The following LRRC49 variants were observed in gnomAD, a reference collection of about 807,000 sequenced individuals.
The protein encoded by LRRC49 is leucine-rich repeat-containing protein 49.
In LRRC49, 50 loss-of-function variants were observed where a neutral mutation model predicts 83.3. The observed-to-expected ratio is 0.60, with a 90% confidence interval of 0.48 to 0.76. LRRC49 has a LOEUF of 0.76. Among genes scored for constraint, LRRC49 ranks in the 30% least tolerant of loss-of-function variants. LRRC49 has a pLI of 0.00. For synonymous variants in LRRC49, 286 were observed against 283.3 expected, an observed-to-expected ratio of 1.01 and a Z score of -0.10; for missense variants, 704 against 809.1, an observed-to-expected ratio of 0.87 and a Z score of 1.58.
intron 14 of LRRC49, among the ~76,000 whole-genome samples, chr15:71,016,638 A>G (rs1336172789): frequency 6.6e-6 from 1 of 152,090 alleles, no homozygotes; most frequent in African/African-American, 2.4e-5. Context: ...TAATTGGAAT[A>G]TATAACAATG....
intron 9 of LRRC49, among the ~76,000 whole-genome samples, chr15:70,974,160 G>A (rs1384169225): frequency 2.0e-5 from 3 of 152,012 alleles, no homozygotes; most frequent in Non-Finnish European, 2.9e-5. Context: ...ATAAAAAGAT[G>A]GTTTGTGAGT....
In LRRC49 at chr15:71,012,856, A is replaced by G; in HGVS notation, c.1646A>G (p.His549Arg). 1 of 1,613,378 alleles carries G rather than the reference A, an allele frequency of 6.2e-7. No homozygotes were observed. Among genetic ancestry groups the G allele is most frequent in the South Asian group, 1.1e-5 (1 of 91,048 alleles). Reference sequence around the variant, plus strand: ...GAAAGGCTCTTTGGAATCCTAGCACATGTAGCATCTTCTGAGTTACCCCAG... The same window carrying G: ...GAAAGGCTCTTTGGAATCCTAGCACGTGTAGCATCTTCTGAGTTACCCCAG... ...MAERLFGILA[H>R]VASSELPQYR... The change falls in exon 14 of 16, where the codon CAT (histidine) becomes CGT (arginine). Residue 549 changes from histidine to arginine, a missense_variant. Physicochemically the swap from His to Arg is conservative, Grantham distance 29 (BLOSUM62 0). Coordinates refer to ENST00000260382, the MANE Select transcript of LRRC49 (RefSeq NM_017691.5).
In LRRC49 at chr15:71,012,878, C is replaced by A. The variant is rs375709748; in HGVS notation, c.1668C>A (p.Pro556=). The change falls in exon 14 of 16, where the codon CCC becomes CCA. Residue 556 remains proline (P), a synonymous_variant. Coordinates refer to ENST00000260382, the MANE Select transcript of LRRC49 (RefSeq NM_017691.5). The part of the protein sequence containing the change: ...ILAHVASSEL[P]QYRLISILGD... ...CACATGTAGCATCTTCTGAGTTACC[C>A]CAGTATCGTCTGATTTCCATTCTGG... 6.2e-7 allele frequency: 1 copy of A among 1,612,656 alleles called. No individual in the cohort carries two copies. The highest frequency in any genetic ancestry group is 2.2e-5 in the East Asian group (1 of 44,816).
At chr15:70,952,673 C>T (rs755571062) in intron 8 of LRRC49, among the ~76,000 whole-genome samples, 11 of 152,020 alleles carry the variant, frequency 7.2e-5, no homozygotes, top group East Asian at 1.9e-4. Context: ...AGTTTAAGTC[C>T]GGAATATCTT....
chr15:70,981,025 G>A (rs2037377651), intron 10 of LRRC49, among the ~76,000 whole-genome samples: 1 of 151,998 alleles, frequency 6.6e-6, no homozygotes, highest in Non-Finnish European at 1.5e-5. Context: ...AAAACAAAAT[G>A]TCACTAAATA....
At chr15:71,048,594 G>A (rs562904443) in intron 15 of LRRC49, among the ~76,000 whole-genome samples, 9 of 152,166 alleles carry the variant, frequency 5.9e-5, no homozygotes, top group African/African-American at 1.7e-4. Flanking sequence ...ATTCTTCCAT[G>A]TATATTATAC....
At chr15:70,872,719 G>C (rs1249732763) in intron 1 of LRRC49, among the ~76,000 whole-genome samples, 1 of 152,050 alleles carries the variant, frequency 6.6e-6, no homozygotes, top group Non-Finnish European at 1.5e-5. Context: ...GACCAGACAA[G>C]TTCCATAGGC....
chr15:70,949,026 A>T (rs1320813859), intron 8 of LRRC49, among the ~76,000 whole-genome samples: 1 of 152,170 alleles, frequency 6.6e-6, no homozygotes, highest in Non-Finnish European at 1.5e-5. Context: ...AAACTTATTT[A>T]TGGACCCTGA....
chr15:71,012,992 T>C, intron 14 of LRRC49, 79 bp downstream of exon 14: 1 of 831,002 alleles, frequency 1.2e-6, no homozygotes, highest in Admixed American at 2.2e-5. Context: ...ACCTCCTAAC[T>C]ATGCTAATTA....
upstream of LRRC49, among the ~76,000 whole-genome samples, chr15:70,887,596 C>A (rs1181309715): frequency 6.6e-6 from 1 of 151,722 alleles, no homozygotes; most frequent in Non-Finnish European, 1.5e-5. Flanking sequence ...GGGAACATTT[C>A]TTTTTATTAC....
At chr15:70,976,011 C>CA (rs2037193846) in intron 9 of LRRC49, among the ~76,000 whole-genome samples, 1 of 152,146 alleles carries the variant, frequency 6.6e-6, no homozygotes, top group African/African-American at 2.4e-5. Context: ...ACTGCGGAAG[C>CA]CTATATAAAG....
chr15:70,889,134 AAG>A (rs1274498824), upstream of LRRC49, among the ~76,000 whole-genome samples: 1 of 152,214 alleles, frequency 6.6e-6, no homozygotes, highest in African/African-American at 2.4e-5. Flanking sequence ...ACACATATAC[AAG>A]AGTTTATGGT....
At chr15:70,898,336 AATTT>A in intron 3 of LRRC49, 1 of 672,682 alleles carries the variant, frequency 1.5e-6, no homozygotes, top group Non-Finnish European at 2.7e-6. Context: ...AAAAACAATT[AATTT>A]GTCTATTGAT....
At chr15:70,927,276 A>G (rs2035236625) in intron 7 of LRRC49, among the ~76,000 whole-genome samples, 1 of 152,190 alleles carries the variant, frequency 6.6e-6, no homozygotes, top group African/African-American at 2.4e-5. Context: ...GATGCTGAAC[A>G]TCTTTTCAAG....
intron 8 of LRRC49, among the ~76,000 whole-genome samples, chr15:70,950,303 G>A (rs1459584265): frequency 6.6e-6 from 1 of 152,098 alleles, no homozygotes; most frequent in Admixed American, 6.6e-5. Flanking sequence ...TTTTCATTTG[G>A]ATATATACCC....
chr15:70,908,148 A>T lies in LRRC49; in HGVS notation c.501-3384A>T, dbSNP rs2034397679. On this transcript the variant is annotated intron_variant, in intron 5 of 15. Transcript: ENST00000260382. ...CTTCCTGTTCACCTGGGCGATCCGA[A>T]TCTGATGTGAGAGTCATAAAGCAGC... 2.6e-5 allele frequency among the ~76,000 whole-genome samples: 4 copies of T among 152,194 alleles called. 1 individual carries two copies. In the South Asian group the frequency reaches 8.3e-4, roughly 31 times the overall value.
At chr15:70,934,285 A>G (rs1217848504) in intron 7 of LRRC49, among the ~76,000 whole-genome samples, 1 of 152,206 alleles carries the variant, frequency 6.6e-6, no homozygotes, top group Non-Finnish European at 1.5e-5. Context: ...TAATGCTAGA[A>G]TTTTGTTACA....
intron 1 of LRRC49, among the ~76,000 whole-genome samples, chr15:70,870,817 A>AGGT (rs924670363): frequency 6.6e-6 from 1 of 152,210 alleles, no homozygotes; most frequent in Non-Finnish European, 1.5e-5. Flanking sequence ...AACCCTTTCA[A>AGGT]GGTCATCATC....
At chr15:70,987,157 G>A (rs1481681173) in intron 11 of LRRC49, among the ~76,000 whole-genome samples, 1 of 152,194 alleles carries the variant, frequency 6.6e-6, no homozygotes, top group African/African-American at 2.4e-5. Flanking sequence ...CATAAAATGA[G>A]TTAGGGAGGA....
Sources: allele counts gnomAD v4.1 joint callset (sites outside exome capture counted in the v4.1 genomes callset), GRCh38; gene constraint gnomAD v4.1.1; transcripts MANE v1.5; gene names NCBI Gene and HGNC (gene_info 2026-07-23, HGNC 2026-07-21).